The following DMD variants were observed in gnomAD, a reference collection of about 807,000 sequenced individuals.
The protein encoded by DMD is dystrophin.
Under a neutral mutation model 330.1 loss-of-function variants are expected in DMD, and 63 were observed. The ratio of observed to expected loss-of-function variants is 0.19; its 90% CI spans 0.16 to 0.24. The LOEUF (loss-of-function observed/expected upper bound fraction) is 0.24. DMD is among the 10% of genes least tolerant of loss of function. The probability of loss-of-function intolerance (pLI) is 1.00; values close to 1 mark genes in which losing one functional copy is unlikely to be tolerated. For synonymous variants in DMD, 1,223 were observed against 959.8 expected, an observed-to-expected ratio of 1.27 and a Z score of -5.07; for missense variants, 3,344 against 2,684.1, an observed-to-expected ratio of 1.25 and a Z score of -5.43.
At chrX:31,580,122 C>T (rs1033246859) in intron 55 of DMD, among the ~76,000 whole-genome samples, 13 of 111,939 alleles carry the variant, frequency 1.2e-4, no homozygotes, top group African/African-American at 3.9e-4. Context: ...TCAAAGTCAC[C>T]TGCTTAGCAA....
intron 17 of DMD, among the ~76,000 whole-genome samples, chrX:32,520,634 A>T (rs1194875339): frequency 1.8e-5 from 2 of 111,532 alleles, no homozygotes; most frequent in East Asian, 2.8e-4. Flanking sequence ...ATTGAGCCCC[A>T]GTTCCTTCCA....
At chrX:31,374,563 A>G (rs142085477) in intron 60 of DMD, among the ~76,000 whole-genome samples, 40,366 of 103,431 alleles carry the variant, frequency 0.39, 6,652 homozygotes, top group South Asian at 0.64. Flanking sequence ...TCAGTAAACT[A>G]TCACATGGAC....
intron 44 of DMD, among the ~76,000 whole-genome samples, chrX:32,133,215 C>T (rs1049168879): frequency 2.8e-5 from 3 of 108,974 alleles, no homozygotes; most frequent in African/African-American, 1.0e-4. Flanking sequence ...ACCATGTTGG[C>T]CAGGCTGGTC....
intron 63 of DMD, among the ~76,000 whole-genome samples, chrX:31,249,398 C>T (rs1055566311): frequency 8.1e-5 from 9 of 111,259 alleles, no homozygotes; most frequent in African/African-American, 2.6e-4. Flanking sequence ...GACGCCACCA[C>T]TTCTGGCTTT....
intron 62 of DMD, among the ~76,000 whole-genome samples, chrX:31,294,138 T>C (rs2053985715): frequency 8.9e-6 from 1 of 112,324 alleles, no homozygotes; most frequent in African/African-American, 3.2e-5. Context: ...CCAACAGAAA[T>C]GAATTAACAA....
At chrX:33,212,431 T>C (rs1423776332), upstream of DMD, among the ~76,000 whole-genome samples, 1 of 111,892 alleles carries the variant, frequency 8.9e-6, no homozygotes, top group Non-Finnish European at 1.9e-5. Flanking sequence ...ATTACTTTTA[T>C]GCAACAGGCG....
chrX:31,975,952 C>T (rs183301800), intron 44 of DMD, among the ~76,000 whole-genome samples: 2 of 111,595 alleles, frequency 1.8e-5, no homozygotes, highest in Admixed American at 1.9e-4. Flanking sequence ...CCCTGTAGTT[C>T]TCTACTGGTA....
At chrX:32,774,253 C>A (rs755566249) in intron 7 of DMD, among the ~76,000 whole-genome samples, 55 of 111,950 alleles carry the variant, frequency 4.9e-4, no homozygotes, top group African/African-American at 1.8e-3. Flanking sequence ...CCCCTTCTTT[C>A]AAGTAATGGG....
intron 44 of DMD, among the ~76,000 whole-genome samples, chrX:32,158,967 A>G: frequency 8.9e-6 from 1 of 112,410 alleles, no homozygotes; most frequent in Non-Finnish European, 1.9e-5. Context: ...CAACTCTTCA[A>G]CAAAAAACAT....
intron 45 of DMD, among the ~76,000 whole-genome samples, chrX:31,950,769 G>A (rs1026035228): frequency 1.8e-5 from 2 of 110,044 alleles, no homozygotes; most frequent in Non-Finnish European, 3.8e-5. Flanking sequence ...TTGTCATAAA[G>A]TCTATTTTGT....
At chrX:32,221,764 T>C (rs945857884) in intron 43 of DMD, among the ~76,000 whole-genome samples, 6 of 111,827 alleles carry the variant, frequency 5.4e-5, no homozygotes, top group African/African-American at 6.5e-5. Context: ...TCTGCCTTTG[T>C]GTACCTACAG....
chrX:33,200,812 G>A (rs1271424086), intron 1 of DMD, among the ~76,000 whole-genome samples: 1 of 108,372 alleles, frequency 9.2e-6, no homozygotes, highest in Admixed American at 1.0e-4. Flanking sequence ...TTAAGAAGAT[G>A]CATTTTAAAT....
Position 32,667,386 on chromosome X carries a change from C to T in DMD, c.961-22234G>A, listed in dbSNP as rs188188521. ...ATATTGAACAAAAAAAAGTTTGTTC[C>T]AAATTATATTTGCAGCCACTTTATG... On this transcript the variant is annotated intron_variant, in intron 9 of 78. Coordinates refer to ENST00000357033, the MANE Select transcript of DMD (RefSeq NM_004006.3). Among the ~76,000 whole-genome samples, 4 of 111,820 alleles carry T rather than the reference C, an allele frequency of 3.6e-5. No individual in the cohort carries two copies. In the East Asian group the frequency reaches 1.1e-3, roughly 32 times the overall value.
At chrX:32,286,459 T>C (rs755592259) in intron 43 of DMD, among the ~76,000 whole-genome samples, 274 of 111,629 alleles carry the variant, frequency 2.5e-3, no homozygotes, top group African/African-American at 8.3e-3. Context: ...TGCAAATTGA[T>C]TTAATATCGC....
intron 7 of DMD, among the ~76,000 whole-genome samples, chrX:32,790,102 A>C (rs1049008624): frequency 8.9e-6 from 1 of 112,065 alleles, no homozygotes; most frequent in Non-Finnish European, 1.9e-5. Context: ...CTGGGGCTTC[A>C]AAATGGCTGA....
intron 44 of DMD, among the ~76,000 whole-genome samples, chrX:32,179,716 C>T (rs192350468): frequency 9.0e-6 from 1 of 111,727 alleles, no homozygotes; most frequent in Admixed American, 9.4e-5. Context: ...ATGGGAGTGA[C>T]CTGGTGGGAG....
In DMD at chrX:32,109,243, A is replaced by AT. The variant is rs750992132; in HGVS notation, c.6438+107672dup. Among the ~76,000 whole-genome samples, 720 of 107,758 alleles carry AT rather than the reference A, an allele frequency of 6.7e-3. 4 individuals carry two copies. The highest frequency in any genetic ancestry group is 0.021 in the African/African-American group (640 of 29,912). The allele number at this position is 107,758 out of a possible 115,157, so 93.6% of individuals were successfully genotyped here. A position where few individuals can be genotyped will look rare whatever the true frequency, so the allele number is the denominator to read the frequency against. On this transcript the variant is annotated intron_variant, in intron 44 of 78. Transcript: ENST00000357033. Reference sequence around the variant, plus strand: ...GAGAAGAATCAACAGCTACAATACAATTTTTTTTTTGCATTTAGAGACTCT... The same window carrying AT: ...GAGAAGAATCAACAGCTACAATACAATTTTTTTTTTTGCATTTAGAGACTCT...
chrX:33,336,514 AG>A (rs35956983), intron 1 of DMD, among the ~76,000 whole-genome samples: 28,091 of 109,617 alleles, frequency 0.26, 3,586 homozygotes, highest in African/African-American at 0.48. Context: ...AAGAGAAATA[AG>A]GGAGATTTTT....
At chrX:32,347,086 G>A (rs2097766386) in intron 38 of DMD, among the ~76,000 whole-genome samples, 1 of 111,630 alleles carries the variant, frequency 9.0e-6, no homozygotes, top group African/African-American at 3.3e-5. Context: ...ACACGCAACT[G>A]AGGACTGATT....
Sources: gnomAD v4.1 joint callset for allele counts (sites outside exome capture counted in the v4.1 genomes callset) on GRCh38, gnomAD v4.1.1 for gene constraint, MANE v1.5 for transcripts, NCBI Gene and HGNC (gene_info 2026-07-23, HGNC 2026-07-21) for gene names.